The following AMN1 variants were observed in gnomAD, a reference collection of about 807,000 sequenced individuals.
AMN1 encodes antagonist of mitotic exit network 1 homolog.
Under a neutral mutation model 33.0 loss-of-function variants are expected in AMN1, and 20 were observed. The ratio of observed to expected loss-of-function variants is 0.61; its 90% CI spans 0.43 to 0.88. The LOEUF (loss-of-function observed/expected upper bound fraction) is 0.88, where lower values mean the gene tolerates loss of function less well. Ranked by LOEUF, AMN1 falls within the 40% of genes least tolerant of loss-of-function variation. The pLI is 0.00. For missense variants in AMN1, 246 were observed against 307.4 expected, an observed-to-expected ratio of 0.80 and a Z score of 1.49; for synonymous variants, 114 against 111.9, an observed-to-expected ratio of 1.02 and a Z score of -0.12.
Position 31,683,889 on chromosome 12 carries a change from G to A in AMN1, c.703+5118C>T, listed in dbSNP as rs141069406. On this transcript the variant is annotated intron_variant, in intron 6 of 6. Transcript: ENST00000281471. The surrounding 1 kb of genome is among the most constrained non-coding windows in gnomAD (Gnocchi z 4.1). ...GAAGAAATGAGGCTGTCATTTCAAA[G>A]AAAACAAATGACAGAATTTGTTGTC... Among the ~76,000 whole-genome samples, 14 of 152,276 alleles carry A rather than the reference G, an allele frequency of 9.2e-5. No individual in the cohort carries two copies. The highest frequency in any genetic ancestry group is 3.1e-4 in the African/African-American group (13 of 41,566).
At position 31,687,266 on chromosome 12, in the gene AMN1, AT is replaced by A. The variant is rs1225825824; in HGVS notation, c.703+1740del. 6.6e-6 allele frequency among the ~76,000 whole-genome samples: 1 copy of A among 152,254 alleles called. No homozygotes were observed. Among genetic ancestry groups the A allele is most frequent in the African/African-American group, 2.4e-5 (1 of 41,476 alleles). The stretch of plus-strand genomic sequence containing the variant: ...CAGATGTCACTGATACCCAGATACA[AT>A]CTATGGTTACAGCCTTGGTTAAGGC... On this transcript the variant is annotated intron_variant, in intron 6 of 6. Transcript: ENST00000281471. This position sits in a 1 kb window ranked among gnomAD's most constrained non-coding sequence, Gnocchi z 4.1.
chr12:31,705,278 G>C (rs1939177938), intron 2 of AMN1, among the ~76,000 whole-genome samples: 1 of 152,062 alleles, frequency 6.6e-6, no homozygotes, highest in South Asian at 2.1e-4. Flanking sequence ...TGGGCAGATT[G>C]CTTGAGCCCA....
chr12:31,700,500 C>G (rs1314062184), intron 3 of AMN1, among the ~76,000 whole-genome samples: 2 of 152,066 alleles, frequency 1.3e-5, no homozygotes, highest in Non-Finnish European at 2.9e-5. Flanking sequence ...CTATAAAAAG[C>G]TATGCATTAC....
rs200505386 is a variant in AMN1 at position 31,699,133 on chromosome 12, G to A, written c.317-1176C>T. Among the ~76,000 whole-genome samples the A allele has an allele frequency of 5.9e-5, 9 of 152,200 alleles. No homozygotes were observed. The East Asian group carries it at 1.7e-3, about 29-fold the overall frequency. ...GGGACGGGTGTGGTGGTTCACACCT[G>A]TAATCTCAGCACTTTGGGAGGCCGA... On this transcript the variant is annotated intron_variant, in intron 3 of 6. Transcript: ENST00000281471.
intron 1 of AMN1, among the ~76,000 whole-genome samples, chr12:31,710,695 C>A (rs906216615): frequency 2.0e-5 from 3 of 152,112 alleles, no homozygotes; most frequent in Non-Finnish European, 2.9e-5. Context: ...CCCTTCAAGG[C>A]ATCCGACACA....
At chr12:31,724,206 C>A (rs571099682) in intron 1 of AMN1, among the ~76,000 whole-genome samples, 1 of 152,158 alleles carries the variant, frequency 6.6e-6, no homozygotes, top group South Asian at 2.1e-4. Context: ...TGAACAACAA[C>A]AACAATAAAA....
intron 3 of AMN1, 100 bp from the exon 4 acceptor site, chr12:31,698,057 T>C: frequency 1.8e-6 from 2 of 1,131,928 alleles, no homozygotes; most frequent in Non-Finnish European, 2.6e-6. Flanking sequence ...CAGTTCAGTG[T>C]TAGCCCTTTT....
At chr12:31,684,967 A>C (rs1938187702) in intron 6 of AMN1, among the ~76,000 whole-genome samples, 1 of 152,166 alleles carries the variant, frequency 6.6e-6, no homozygotes. Flanking sequence ...GATGCTTCTT[A>C]AGTGAGTTAC....
chr12:31,717,280 TTTC>T (rs1286823758), intron 1 of AMN1, among the ~76,000 whole-genome samples: 3 of 152,252 alleles, frequency 2.0e-5, no homozygotes, highest in Admixed American at 1.3e-4. Context: ...CGTGATTTCA[TTTC>T]TTTTTATGGC....
intron 2 of AMN1, among the ~76,000 whole-genome samples, chr12:31,702,366 AG>A (rs1298406314): frequency 6.6e-6 from 1 of 152,242 alleles, no homozygotes; most frequent in African/African-American, 2.4e-5. Context: ...CTCTGTGCTT[AG>A]GAAGTATGAG....
intron 1 of AMN1, among the ~76,000 whole-genome samples, chr12:31,712,879 CT>C (rs1171291505): frequency 6.6e-6 from 1 of 152,122 alleles, no homozygotes; most frequent in Non-Finnish European, 1.5e-5. Flanking sequence ...TGGTCTCAAA[CT>C]CCTGACCTCG....
intron 1 of AMN1, chr12:31,714,784 C>G (rs1327685477): frequency 2.9e-6 from 1 of 345,338 alleles, no homozygotes; most frequent in Non-Finnish European, 4.1e-6. Flanking sequence ...AACTCAAAAG[C>G]AGAGACTTTG....
chr12:31,693,070 A>G (rs1938572734), intron 5 of AMN1, among the ~76,000 whole-genome samples: 4 of 152,054 alleles, frequency 2.6e-5, no homozygotes, highest in African/African-American at 9.7e-5. Flanking sequence ...TTTTTTCTTT[A>G]ATTTTATAAT....
rs183732124 is a variant in AMN1 at position 31,683,519 on chromosome 12, G to A, written c.703+5488C>T. Among the ~76,000 whole-genome samples the A allele has an allele frequency of 1.6e-3, 251 of 152,314 alleles. No homozygotes were observed. Among genetic ancestry groups the A allele is most frequent in the African/African-American group, 5.6e-3 (232 of 41,562 alleles). On this transcript the variant is annotated intron_variant, in intron 6 of 6. Coordinates refer to ENST00000281471, the MANE Select transcript of AMN1 (RefSeq NM_001113402.2). The surrounding 1 kb of genome is among the most constrained non-coding windows in gnomAD (Gnocchi z 4.1). ...CCACAATTCCCATGTGTCGTGAGAG[G>A]GACCCGGTGGGAGGTAATTGAATCA...
chr12:31,691,534 T>G (rs1938500915), intron 5 of AMN1, among the ~76,000 whole-genome samples: 1 of 152,186 alleles, frequency 6.6e-6, no homozygotes, highest in Admixed American at 6.5e-5. Flanking sequence ...ATGCACATAA[T>G]ATGAGTGAAT....
intron 2 of AMN1, among the ~76,000 whole-genome samples, chr12:31,706,853 C>A (rs1939263171): frequency 6.6e-6 from 1 of 152,032 alleles, no homozygotes; most frequent in Non-Finnish European, 1.5e-5. Flanking sequence ...GAGATATGTT[C>A]ACAGGCCAAA....
intron 6 of AMN1, among the ~76,000 whole-genome samples, chr12:31,681,385 T>A (rs1253563075): frequency 1.3e-5 from 2 of 152,114 alleles, no homozygotes; most frequent in Admixed American, 6.6e-5. Flanking sequence ...TACATCATCA[T>A]GCCTGGCTAA....
intron 1 of AMN1, chr12:31,719,243 C>G: frequency 2.0e-6 from 1 of 490,794 alleles, no homozygotes; most frequent in Non-Finnish European, 2.6e-6. Flanking sequence ...AGAAATCGCC[C>G]ATCTTCTGCG....
chr12:31,713,823 G>T (rs1432795495), intron 1 of AMN1, among the ~76,000 whole-genome samples: 1 of 151,928 alleles, frequency 6.6e-6, no homozygotes, highest in African/African-American at 2.4e-5. Flanking sequence ...ACTCCAGCCT[G>T]GGTGAGAGAG....
Sources: gnomAD v4.1 joint callset for allele counts (sites outside exome capture counted in the v4.1 genomes callset) on GRCh38, gnomAD v4.1.1 for gene constraint, Gnocchi (gnomAD v3.1) non-coding constraint, MANE v1.5 for transcripts, NCBI Gene and HGNC (gene_info 2026-07-23, HGNC 2026-07-21) for gene names.